PAWR: variants seen among roughly 807,000 people sequenced by gnomAD.
PAWR encodes PRKC apoptosis WT1 regulator protein.
In PAWR, 23 loss-of-function variants were observed where a neutral mutation model predicts 32.0. The observed-to-expected ratio is 0.72, with a 90% CI of 0.52 to 1.02. The LOEUF (loss-of-function observed/expected upper bound fraction) is 1.02, where lower values mean the gene tolerates loss of function less well. Among genes scored for constraint, PAWR ranks in the 50% least tolerant of loss-of-function variants. PAWR has a pLI of 0.00. For synonymous variants in PAWR, 226 were observed against 187.1 expected (o/e 1.21, Z -1.70); for missense variants, 457 against 437.7 (o/e 1.04, Z -0.39).
chr12:79,642,683 C>T (rs1876382549), intron 2 of PAWR, among the ~76,000 whole-genome samples: 1 of 152,160 alleles, frequency 6.6e-6, no homozygotes. Flanking sequence ...CAATTACCTA[C>T]TTAGAGGTCA....
chr12:79,655,748 C>G (rs1877062862), intron 2 of PAWR, among the ~76,000 whole-genome samples: 1 of 152,194 alleles, frequency 6.6e-6, no homozygotes, highest in African/African-American at 2.4e-5. Context: ...CTTTTGCCCT[C>G]AGAGCATCTT....
intron 2 of PAWR, among the ~76,000 whole-genome samples, chr12:79,674,052 A>G (rs1197747498): frequency 2.6e-5 from 4 of 152,184 alleles, no homozygotes; most frequent in Admixed American, 6.5e-5. Flanking sequence ...AGAAAAAAAA[A>G]TTCTAAAATT....
intron 2 of PAWR, among the ~76,000 whole-genome samples, chr12:79,669,291 A>T (rs1022047007): frequency 1.6e-4 from 24 of 152,238 alleles, no homozygotes; most frequent in African/African-American, 5.3e-4. Context: ...AGATTTAAGA[A>T]TTAGAGAGGC....
At position 79,637,002 on chromosome 12, in the gene PAWR, AACT is replaced by A. The variant is rs8176843; in HGVS notation, c.517-15798_517-15796del. 4.5e-3 allele frequency among the ~76,000 whole-genome samples: 690 copies of A among 152,320 alleles called. 6 individuals are homozygous for A. The highest frequency in any genetic ancestry group is 7.6e-3 in the Non-Finnish European group (519 of 68,016). ...AATTACGAATCAGAATGAGAAAAAT[AACT>A]ACAATAGAACTAAAATGAAATACAG... On this transcript the variant is annotated intron_variant, in intron 2 of 6. Coordinates refer to ENST00000328827, the MANE Select transcript of PAWR (RefSeq NM_002583.4).
Position 79,613,594 on chromosome 12 carries a change from C to G in PAWR, c.664G>C (p.Val222Leu). 1 of 1,549,786 alleles carries G rather than the reference C, an allele frequency of 6.5e-7. No homozygotes were observed. Among genetic ancestry groups the G allele is most frequent in the African/African-American group, 1.4e-5 (1 of 73,794 alleles). The change falls in exon 4 of 7, where the codon GTT becomes CTT. Residue 222 changes from valine (V) to leucine (L), a missense_variant. By Grantham distance (32) the Val-to-Leu change is conservative (BLOSUM62 1). Coordinates refer to ENST00000328827, the MANE Select transcript of PAWR (RefSeq NM_002583.4). ...TCTTACCTTTTATATCTGCCTGAAA[C>G]TGTTCTAGGTGGCTCCTGCAAAGTA... ...SYLLQEPPRT[V>L]SGRYKSTTSV...
At position 79,674,602 on chromosome 12, in the gene PAWR, C is replaced by A. The variant is rs1419146817; in HGVS notation, c.516+15127G>T. On this transcript the variant is annotated intron_variant, in intron 2 of 6. Coordinates refer to ENST00000328827, the MANE Select transcript of PAWR (RefSeq NM_002583.4). ...GCTTCTGCACAGCAAAATAAACTAT[C>A]AACAGAGTAAAAAGACAATCTACAG... Among the ~76,000 whole-genome samples the A allele has an allele frequency of 5.3e-5, 8 of 151,982 alleles. 1 individual carries two copies. Among genetic ancestry groups the A allele is most frequent in the Non-Finnish European group, 1.2e-4 (8 of 67,978 alleles).
intron 4 of PAWR, among the ~76,000 whole-genome samples, chr12:79,598,574 T>C (rs1324776965): frequency 2.0e-5 from 3 of 152,214 alleles, no homozygotes; most frequent in Non-Finnish European, 2.9e-5. Context: ...TCCTCATCTA[T>C]GAATTTCTTA....
intron 2 of PAWR, among the ~76,000 whole-genome samples, chr12:79,623,706 T>G (rs923339815): frequency 1.3e-5 from 2 of 152,132 alleles, no homozygotes; most frequent in African/African-American, 4.8e-5. Context: ...AACAGTCTCT[T>G]AACACATAAA....
At chr12:79,630,165 GAAGT>G (rs1014468567) in intron 2 of PAWR, among the ~76,000 whole-genome samples, 5 of 151,854 alleles carry the variant, frequency 3.3e-5, no homozygotes, top group African/African-American at 1.2e-4. Context: ...TGGGTTCTTA[GAAGT>G]AATAGATAAA....
intron 2 of PAWR, among the ~76,000 whole-genome samples, chr12:79,664,115 GATTA>G (rs1419853627): frequency 1.3e-5 from 2 of 152,140 alleles, no homozygotes; most frequent in African/African-American, 2.4e-5. Flanking sequence ...AGAAATGTGG[GATTA>G]TTTATCACTA....
chr12:79,658,972 T>TAAAAAAA (rs550704257), intron 2 of PAWR, among the ~76,000 whole-genome samples: 1 of 86,650 alleles, frequency 1.2e-5, no homozygotes. Context: ...CTTAGCACAC[T>TAAAAAAA]AAAAAAAAAA....
chr12:79,647,569 G>A (rs1472602357), intron 2 of PAWR, among the ~76,000 whole-genome samples: 1 of 152,136 alleles, frequency 6.6e-6, no homozygotes, highest in African/African-American at 2.4e-5. Context: ...GATAAGACAG[G>A]AGGATAACTA....
In PAWR at chr12:79,629,588, T is replaced by C. The variant is rs572607953; in HGVS notation, c.517-8381A>G. ...ATACAACATGAAGGTGGGAAATGTG[T>C]AGAGATATAAAAAAAAAAACTTCAA... On this transcript the variant is annotated intron_variant, in intron 2 of 6. Coordinates refer to ENST00000328827, the MANE Select transcript of PAWR (RefSeq NM_002583.4). Among the ~76,000 whole-genome samples, 4 of 151,950 alleles carry C rather than the reference T, an allele frequency of 2.6e-5. No homozygotes were observed. In the East Asian group the frequency reaches 7.7e-4, roughly 29 times the overall value.
chr12:79,627,422 C>T (rs1875390135), intron 2 of PAWR, among the ~76,000 whole-genome samples: 2 of 152,102 alleles, frequency 1.3e-5, no homozygotes, highest in East Asian at 3.9e-4. Flanking sequence ...CCTTCGCCCA[C>T]TTTTTGATGG....
intron 2 of PAWR, among the ~76,000 whole-genome samples, chr12:79,621,997 C>T (rs1034420489): frequency 2.0e-5 from 3 of 152,002 alleles, no homozygotes; most frequent in Non-Finnish European, 4.4e-5. Flanking sequence ...ACTCACACCC[C>T]CTCCAGACAA....
chr12:79,657,724 G>A (rs1877162223), intron 2 of PAWR, among the ~76,000 whole-genome samples: 3 of 151,978 alleles, frequency 2.0e-5, no homozygotes, highest in African/African-American at 7.2e-5. Flanking sequence ...AACCCGGGAG[G>A]TGGAGCTTGC....
rs1873485485 is a variant in PAWR, at chr12:79,589,517, T to C, written c.*3090A>G. ...TTGCTCCACATACCTGATACTTAAT[T>C]TTCTATGTTTGAAACTACTTGAACA... On this transcript the variant is annotated 3_prime_UTR_variant, in exon 7 of 7. Transcript: ENST00000328827. 1 of 152,076 alleles carries C rather than the reference T, an allele frequency of 6.6e-6. No individual in the cohort carries two copies. Among genetic ancestry groups the C allele is most frequent in the Admixed American group, 6.5e-5 (1 of 15,268 alleles). 9.4% of individuals were successfully genotyped at this position (152,076 alleles called of 1,614,324 possible).
chr12:79,688,367 C>T (rs951123605), intron 2 of PAWR: 3 of 149,416 alleles, frequency 2.0e-5, no homozygotes, highest in African/African-American at 7.4e-5. Context: ...ATGACAAATT[C>T]TTTTATTTGG....
intron 6 of PAWR, among the ~76,000 whole-genome samples, chr12:79,593,891 T>C (rs772197092): frequency 6.6e-6 from 1 of 150,864 alleles, no homozygotes; most frequent in Non-Finnish European, 1.5e-5. Context: ...TTTAGTAGAG[T>C]CGGGGTTTTA....
Sources: allele counts gnomAD v4.1 joint callset (sites outside exome capture counted in the v4.1 genomes callset), GRCh38; gene constraint gnomAD v4.1.1; transcripts MANE v1.5; gene names NCBI Gene and HGNC (gene_info 2026-07-23, HGNC 2026-07-21).